The following PRC1 variants were observed in gnomAD, a reference collection of about 807,000 sequenced individuals.
PRC1 encodes the protein anaphase spindle elongation 1 homolog.
PRC1 carries 54 observed loss-of-function variants against 91.2 expected under a neutral mutation model. That is an observed-to-expected ratio of 0.59 (90% confidence interval 0.48 to 0.74). PRC1 has a LOEUF of 0.74. Ranked by LOEUF, PRC1 falls within the 30% of genes least tolerant of loss-of-function variation. The pLI is 0.00. For missense variants in PRC1, 727 were observed against 746.2 expected (o/e 0.97, Z 0.30); for synonymous variants, 275 against 263.6 (o/e 1.04, Z -0.42).
At chr15:90,970,142 C>T (rs374628037) in intron 12 of PRC1, among the ~76,000 whole-genome samples, 111 of 152,212 alleles carry the variant, frequency 7.3e-4, no homozygotes, top group Middle Eastern at 3.4e-3. Flanking sequence ...GAGTCTACAG[C>T]GACCCTGCCT....
At chr15:90,980,461 C>T (rs185726107) in intron 6 of PRC1, 72 bp from the exon 7 acceptor site, 1 of 1,496,496 alleles carries the variant, frequency 6.7e-7, no homozygotes, top group Non-Finnish European at 9.0e-7. Context: ...AAGATCCCCC[C>T]CTTTTAAGTA....
intron 1 of PRC1, among the ~76,000 whole-genome samples, chr15:90,992,702 G>A (rs1180376985): frequency 8.0e-6 from 1 of 124,616 alleles, no homozygotes; most frequent in Non-Finnish European, 1.5e-5. Flanking sequence ...AAAGCAGCAA[G>A]TCTGAGTTTT....
intron 8 of PRC1, among the ~76,000 whole-genome samples, chr15:90,977,575 C>T (rs35866703): frequency 0.055 from 6,811 of 122,960 alleles, 261 homozygotes; most frequent in South Asian, 0.17. Context: ...TCCTTATTTA[C>T]GTTTTTTTTT....
In PRC1 at chr15:90,970,486, G is replaced by A. The variant is rs777459882; in HGVS notation, c.1490C>T (p.Thr497Met). The A allele has an allele frequency of 2.2e-5, 36 of 1,613,390 alleles. No individual in the cohort carries two copies. The highest frequency in any genetic ancestry group is 8.0e-5 in the African/African-American group (6 of 74,912). ...GATAGGCCGAATGCTACTATTGGCCGTAGCATTGGACATGGTGGTAGTGTT... is the reference window on the plus strand; with the variant it reads ...GATAGGCCGAATGCTACTATTGGCCATAGCATTGGACATGGTGGTAGTGTT... ...KLNTTTMSNA[T>M]ANSSIRPIFG... is the part of the protein sequence containing the mutation. Residue 497 changes from threonine (T) to methionine (M), a missense_variant, in exon 12 of 15, where the codon ACG (threonine) becomes ATG (methionine). By Grantham distance (81) the Thr-to-Met change is moderately conservative. Coordinates refer to ENST00000394249, the MANE Select transcript of PRC1 (RefSeq NM_003981.4).
Position 90,994,508 on chromosome 15 carries a change from A to T in PRC1, c.-91T>A. The stretch of plus-strand genomic sequence containing the variant: ...ACCACCCGCAAACACCGGCGATGTC[A>T]CTCCGCGTAGCCGCTCCGCGAGCCG... On this transcript the variant is annotated 5_prime_UTR_variant, in exon 1 of 15. Coordinates refer to ENST00000394249, the MANE Select transcript of PRC1 (RefSeq NM_003981.4). The T allele has an allele frequency of 6.8e-7, 1 of 1,461,252 alleles. No individual in the cohort carries two copies. The highest frequency in any genetic ancestry group is 2.8e-5 in the East Asian group (1 of 35,584). The allele number at this position is 1,461,252 out of a possible 1,614,324, so 90.5% of individuals were successfully genotyped here.
At chr15:90,968,110 A>C (rs961587336) in intron 14 of PRC1, 101 of 985,284 alleles carry the variant, frequency 1.0e-4, no homozygotes, top group Middle Eastern at 1.0e-3. Context: ...ATAGCAACCC[A>C]AACCAGACGA....
At position 90,974,567 on chromosome 15, in the gene PRC1, G is replaced by A. The variant is rs774856100; in HGVS notation, c.1350+18C>T. On this transcript the variant is annotated intron_variant, in intron 10 of 14. Coordinates refer to ENST00000394249, the MANE Select transcript of PRC1 (RefSeq NM_003981.4). The surrounding 1 kb of genome is among the most constrained non-coding windows in gnomAD (Gnocchi z 4.6). ...CTTTCTTCGTCTTTTCCCAATTTGC[G>A]TTCACGTTCACACTTACTCTTTCCT... 23 of 1,613,854 alleles carry A rather than the reference G, an allele frequency of 1.4e-5. No homozygotes were observed. Among genetic ancestry groups the A allele is most frequent in the Middle Eastern group, 1.6e-4 (1 of 6,062 alleles).
intron 7 of PRC1, 152 bp from the exon 8 acceptor site, chr15:90,979,446 A>G: frequency 1.1e-6 from 1 of 898,958 alleles, no homozygotes; most frequent in African/African-American, 1.7e-5. Flanking sequence ...ATAGATATAT[A>G]GTGGTTAATA....
rs2039210613 is a variant in PRC1, at chr15:90,981,733, AT to A, written c.501+14del. The A allele has an allele frequency of 1.2e-6, 2 of 1,609,554 alleles. No homozygotes were observed. The highest frequency in any genetic ancestry group is 1.7e-6 in the Non-Finnish European group (2 of 1,176,640). ...CCAAAGTGACTTTTAGGAAGAACAA[AT>A]GTAGGCAGTGTACCTTTGTTTCCCT... On this transcript the variant is annotated intron_variant, in intron 4 of 14. Coordinates refer to ENST00000394249, the MANE Select transcript of PRC1 (RefSeq NM_003981.4).
At chr15:90,993,846 G>A (rs2040124923) in intron 1 of PRC1, among the ~76,000 whole-genome samples, 1 of 152,228 alleles carries the variant, frequency 6.6e-6, no homozygotes, top group Non-Finnish European at 1.5e-5. Context: ...ACTTTGGGAG[G>A]CCGAGGTGGC....
In PRC1 at chr15:90,994,323, G is replaced by C. The variant is rs1446758287; in HGVS notation, c.11+84C>G. On this transcript the variant is annotated intron_variant, in intron 1 of 14. Coordinates refer to ENST00000394249, the MANE Select transcript of PRC1 (RefSeq NM_003981.4). ...ACGATCTAGGCCCGGGACCCCGCAC[G>C]GGTCCCGCACCCCTGAACAGGCCCC... 2.5e-6 allele frequency: 4 copies of C among 1,592,808 alleles called. No individual in the cohort carries two copies. The African/African-American group carries it at 4.1e-5, about 16-fold the overall frequency.
At chr15:90,973,968 C>G in intron 11 of PRC1, 168 bp downstream of exon 11, 1 of 596,530 alleles carries the variant, frequency 1.7e-6, no homozygotes, top group Non-Finnish European at 3.0e-6. Context: ...TCCCCTGGGC[C>G]CACTGTTCTT....
rs267604387 is a variant in PRC1, at chr15:90,970,456, C to T, written c.1520G>A (p.Gly507Glu). ...CACGGGGGAGTGGTAGACTGTCCCTCCAAAGATAGGCCGAATGCTACTATT... is the reference window on the plus strand; with the variant it reads ...CACGGGGGAGTGGTAGACTGTCCCTTCAAAGATAGGCCGAATGCTACTATT... ...TANSSIRPIFGGTVYHSPVSR... is the reference protein window; with the variant it reads ...TANSSIRPIFEGTVYHSPVSR... The change falls in exon 12 of 15, where the codon GGA becomes GAA. Residue 507 changes from glycine to glutamate, a missense_variant. Transcript: ENST00000394249. 3.1e-6 allele frequency: 5 copies of T among 1,613,888 alleles called. No individual in the cohort carries two copies. In the South Asian group the frequency reaches 5.5e-5, roughly 18 times the overall value.
intron 8 of PRC1, among the ~76,000 whole-genome samples, chr15:90,978,904 C>G (rs570162289): frequency 6.6e-6 from 1 of 152,204 alleles, no homozygotes; most frequent in South Asian, 2.1e-4. Flanking sequence ...TCTGCCATGC[C>G]TGCCCCACAC....
chr15:90,984,857 C>T lies in PRC1; in HGVS notation c.12-32G>A, dbSNP rs937544476. On this transcript the variant is annotated intron_variant, in intron 1 of 14. Transcript: ENST00000394249. This position sits in a 1 kb window ranked among gnomAD's most constrained non-coding sequence, Gnocchi z 5.1. ...ACCAAAAACTAAGGCCTGTTAGTTACATCAGTCACAGCCTCTGGACTAAAA... is the reference window on the plus strand; with the variant it reads ...ACCAAAAACTAAGGCCTGTTAGTTATATCAGTCACAGCCTCTGGACTAAAA... The T allele has an allele frequency of 6.2e-7, 1 of 1,613,258 alleles. No individual in the cohort carries two copies. Among genetic ancestry groups the T allele is most frequent in the African/African-American group, 1.3e-5 (1 of 74,982 alleles).
intron 11 of PRC1, among the ~76,000 whole-genome samples, chr15:90,972,185 CA>C (rs79751458): frequency 0.063 from 3,703 of 58,564 alleles, 148 homozygotes; most frequent in African/African-American, 0.18. Flanking sequence ...TACTGAAACT[CA>C]AAAAAAAAAA....
chr15:90,981,697 C>T, intron 4 of PRC1, 28 bp from the exon 5 acceptor site: 1 of 1,609,852 alleles, frequency 6.2e-7, no homozygotes, highest in Middle Eastern at 1.7e-4. Flanking sequence ...TACAAGATAC[C>T]TAGAGGAAAA....
At chr15:90,987,244 C>G (rs778813347) in intron 1 of PRC1, among the ~76,000 whole-genome samples, 9 of 151,964 alleles carry the variant, frequency 5.9e-5, no homozygotes, top group Non-Finnish European at 1.3e-4. Context: ...TCACTGCACT[C>G]CAAAGCAACA....
At position 90,974,060 on chromosome 15, in the gene PRC1, C is replaced by T. The variant is rs1033632677; in HGVS notation, c.1461+76G>A. The T allele has an allele frequency of 8.2e-6, 10 of 1,225,832 alleles. No homozygotes were observed. In the East Asian group the frequency reaches 2.3e-4, roughly 29 times the overall value. 75.9% of individuals were successfully genotyped at this position (1,225,832 alleles called of 1,614,324 possible). ...ATACCCACAGGTGTGGAGGGGCTGGCCCCCTTCAAAGAGGTGGCTGGGACT... is the reference window on the plus strand; with the variant it reads ...ATACCCACAGGTGTGGAGGGGCTGGTCCCCTTCAAAGAGGTGGCTGGGACT... On this transcript the variant is annotated intron_variant, in intron 11 of 14. Coordinates refer to ENST00000394249, the MANE Select transcript of PRC1 (RefSeq NM_003981.4). This position sits in a 1 kb window ranked among gnomAD's most constrained non-coding sequence, Gnocchi z 4.6.
Sources: allele counts gnomAD v4.1 joint callset (sites outside exome capture counted in the v4.1 genomes callset), GRCh38; gene constraint gnomAD v4.1.1; non-coding constraint Gnocchi (gnomAD v3.1); transcripts MANE v1.5; gene names NCBI Gene and HGNC (gene_info 2026-07-23, HGNC 2026-07-21).